Variants in PTPRT observed in about 807,000 individuals in gnomAD.
PTPRT encodes the protein protein tyrosine phosphatase receptor type T.
Under a neutral mutation model 176.8 loss-of-function variants are expected in PTPRT, and 56 were observed. The observed-to-expected ratio is 0.32, with a 90% CI of 0.26 to 0.40. PTPRT has a LOEUF of 0.40. Among genes scored for constraint, PTPRT ranks in the 10% least tolerant of loss-of-function variants. The pLI is 1.00. For missense variants in PTPRT, 1,540 were observed against 1,908.2 expected (o/e 0.81, Z 3.60); for synonymous variants, 783 against 739.0 (o/e 1.06, Z -0.96).
intron 7 of PTPRT, among the ~76,000 whole-genome samples, chr20:42,487,041 C>T (rs973411126): frequency 2.6e-5 from 4 of 152,130 alleles, no homozygotes; most frequent in Admixed American, 1.3e-4. Context: ...TTAACATGAC[C>T]GGCCAACACT....
intron 9 of PTPRT, 68 bp from the exon 10 acceptor site, chr20:42,352,353 T>C (rs1478956504): frequency 1.3e-5 from 20 of 1,532,428 alleles, no homozygotes; most frequent in Non-Finnish European, 1.7e-5. Context: ...TGGAGCTCCT[T>C]TAGAGGAACC....
At chr20:42,460,408 G>A (rs796110463) in intron 8 of PTPRT, among the ~76,000 whole-genome samples, 21 of 152,290 alleles carry the variant, frequency 1.4e-4, no homozygotes, top group African/African-American at 5.1e-4. Context: ...GTGGCATCGA[G>A]TAGCTGCTAC....
chr20:42,932,255 A>C (rs554951938), intron 1 of PTPRT, among the ~76,000 whole-genome samples: 6 of 152,352 alleles, frequency 3.9e-5, no homozygotes, highest in African/African-American at 1.4e-4. Context: ...GGACCTCCCC[A>C]TGAGGATCCT....
At chr20:42,181,541 GA>G (rs1990526294) in intron 16 of PTPRT, among the ~76,000 whole-genome samples, 1 of 152,116 alleles carries the variant, frequency 6.6e-6, no homozygotes, top group Admixed American at 6.6e-5. Flanking sequence ...TCCTCTATGG[GA>G]TTAAAATCTA....
At chr20:42,528,710 A>G (rs903454246) in intron 7 of PTPRT, among the ~76,000 whole-genome samples, 1 of 152,130 alleles carries the variant, frequency 6.6e-6, no homozygotes, top group South Asian at 2.1e-4. Context: ...GTTACTAAAA[A>G]CGGTTCATTA....
intron 8 of PTPRT, among the ~76,000 whole-genome samples, chr20:42,449,906 TC>T (rs1478918868): frequency 2.0e-5 from 3 of 152,254 alleles, no homozygotes; most frequent in Non-Finnish European, 4.4e-5. Flanking sequence ...TATTTTCCAA[TC>T]TTTTTATGCA....
intron 1 of PTPRT, among the ~76,000 whole-genome samples, chr20:43,163,495 A>G (rs1348228171): frequency 6.6e-6 from 1 of 152,188 alleles, no homozygotes; most frequent in East Asian, 1.9e-4. Context: ...AAAATTAGCC[A>G]GGCGTGGTGG....
At chr20:42,289,238 T>A (rs1455703200) in intron 12 of PTPRT, among the ~76,000 whole-genome samples, 1 of 151,934 alleles carries the variant, frequency 6.6e-6, no homozygotes, top group African/African-American at 2.4e-5. Context: ...GACTGAGACC[T>A]CAAAAGCAAA....
At chr20:43,166,540 A>G (rs935386706) in intron 1 of PTPRT, among the ~76,000 whole-genome samples, 3 of 152,154 alleles carry the variant, frequency 2.0e-5, no homozygotes, top group Admixed American at 2.0e-4. Context: ...TCCTTTCACA[A>G]GTGAAGTCAT....
At chr20:42,180,421 C>T (rs1369544790) in intron 16 of PTPRT, among the ~76,000 whole-genome samples, 2 of 152,180 alleles carry the variant, frequency 1.3e-5, no homozygotes, top group Non-Finnish European at 2.9e-5. Flanking sequence ...CTTATGACTC[C>T]TGATCCCATT....
intron 1 of PTPRT, among the ~76,000 whole-genome samples, chr20:43,116,514 T>C (rs2146350977): frequency 6.6e-6 from 1 of 152,202 alleles, no homozygotes; most frequent in Middle Eastern, 3.4e-3. Context: ...AATAGCAAAA[T>C]AGCAATGTCC....
chr20:42,683,643 T>C (rs891667929), intron 6 of PTPRT, among the ~76,000 whole-genome samples: 6 of 152,230 alleles, frequency 3.9e-5, no homozygotes, highest in South Asian at 2.1e-4. Context: ...CGACTTACTT[T>C]CGTGTAGCAC....
chr20:42,646,023 TTGA>T (rs2074888696), intron 7 of PTPRT, among the ~76,000 whole-genome samples: 1 of 152,138 alleles, frequency 6.6e-6, no homozygotes, highest in South Asian at 2.1e-4. Flanking sequence ...AAAAGAATTG[TTGA>T]TTATTGTAGT....
At chr20:42,594,215 G>T (rs1338783181) in intron 7 of PTPRT, among the ~76,000 whole-genome samples, 1 of 152,184 alleles carries the variant, frequency 6.6e-6, no homozygotes, top group Non-Finnish European at 1.5e-5. Flanking sequence ...AGAACTTTCT[G>T]CAGGGCTGTT....
At chr20:42,624,436 C>T (rs960838383) in intron 7 of PTPRT, among the ~76,000 whole-genome samples, 2 of 152,184 alleles carry the variant, frequency 1.3e-5, no homozygotes, top group East Asian at 1.9e-4. Flanking sequence ...GAGTTATTAA[C>T]ATTGAAAGTA....
At chr20:42,838,837 C>T (rs1600814817) in intron 2 of PTPRT, among the ~76,000 whole-genome samples, 4 of 152,172 alleles carry the variant, frequency 2.6e-5, no homozygotes, top group South Asian at 2.1e-4. Context: ...CCCGCCCAGC[C>T]GTGTCCCCCG....
At chr20:43,173,092 T>C (rs2015043719) in intron 1 of PTPRT, among the ~76,000 whole-genome samples, 1 of 152,038 alleles carries the variant, frequency 6.6e-6, no homozygotes, top group Non-Finnish European at 1.5e-5. Context: ...ACGGCTGGTC[T>C]CGAACTCCCG....
chr20:43,149,957 C>A (rs1358450647), intron 1 of PTPRT, among the ~76,000 whole-genome samples: 2 of 152,190 alleles, frequency 1.3e-5, no homozygotes, highest in Non-Finnish European at 2.9e-5. Flanking sequence ...AAGGGAAATG[C>A]AGAATATTAA....
intron 1 of PTPRT, among the ~76,000 whole-genome samples, chr20:42,955,300 G>A (rs755033148): frequency 2.0e-5 from 3 of 152,140 alleles, no homozygotes; most frequent in Non-Finnish European, 4.4e-5. Context: ...AAGTTGCACG[G>A]CTGAAAAACA....
Sources: gnomAD v4.1 joint callset for allele counts (sites outside exome capture counted in the v4.1 genomes callset) on GRCh38, gnomAD v4.1.1 for gene constraint, MANE v1.5 for transcripts, NCBI Gene and HGNC (gene_info 2026-07-23, HGNC 2026-07-21) for gene names.